SNX19: variants seen among roughly 807,000 people sequenced by gnomAD.
SNX19 encodes sorting nexin-19.
A neutral mutation model predicts 85.2 loss-of-function variants in SNX19; 60 were observed. The ratio of observed to expected loss-of-function variants is 0.70; its 90% CI spans 0.57 to 0.87. SNX19 has a LOEUF of 0.87. Ranked by LOEUF, SNX19 falls within the 40% of genes least tolerant of loss-of-function variation. The pLI is 0.00. For missense variants in SNX19, 1,201 were observed against 1,217.8 expected (o/e 0.99, Z 0.21); for synonymous variants, 520 against 470.0 (o/e 1.11, Z -1.38).
rs1325312648 is a variant in SNX19, at chr11:130,867,767, C to A, written c.*10655G>T. ...CTAAGAGACAGCTTCTGCTCCCTATCTGATATTACCAAGCTGGACAGCATC... is the reference window on the plus strand; with the variant it reads ...CTAAGAGACAGCTTCTGCTCCCTATATGATATTACCAAGCTGGACAGCATC... On this transcript the variant is annotated 3_prime_UTR_variant, in exon 11 of 11. Transcript: ENST00000265909. 2 of 152,168 alleles carry A rather than the reference C, an allele frequency of 1.3e-5. No homozygotes were observed. Among genetic ancestry groups the A allele is most frequent in the Admixed American group, 6.5e-5 (1 of 15,276 alleles). 9.4% of individuals were successfully genotyped at this position (152,168 alleles called of 1,614,324 possible). A position where few individuals can be genotyped will look rare whatever the true frequency, so the allele number is the denominator to read the frequency against.
chr11:130,912,192 G>C (rs77272503), intron 1 of SNX19, among the ~76,000 whole-genome samples: 24,163 of 152,206 alleles, frequency 0.16, 2,191 homozygotes, highest in Middle Eastern at 0.25. Context: ...AAGGGAAGAA[G>C]AAGTAATCCA....
chr11:130,880,895 A>AT, intron 8 of SNX19, 89 bp from the exon 9 acceptor site: 1 of 1,146,236 alleles, frequency 8.7e-7, no homozygotes, highest in Non-Finnish European at 1.2e-6. Context: ...TCCCCTGCAG[A>AT]TTCGTGTGTC....
chr11:130,910,879 TA>T (rs1374523474), intron 2 of SNX19, among the ~76,000 whole-genome samples: 1 of 152,132 alleles, frequency 6.6e-6, no homozygotes, highest in Non-Finnish European at 1.5e-5. Context: ...TACTAATCCT[TA>T]AGAGTGAAAT....
Position 130,906,064 on chromosome 11 carries a change from G to C in SNX19, c.2332C>G (p.Gln778Glu), listed in dbSNP as rs746251895. ...IEKQTKLLEM[Q>E]PTKAPEKDPE... Reference sequence around the variant, plus strand: ...TCTTTTTCTGGGGCTTTTGTTGGCTGCATTTCCAGTAACTTTGTCTGTTTT... The same window carrying C: ...TCTTTTTCTGGGGCTTTTGTTGGCTCCATTTCCAGTAACTTTGTCTGTTTT... Residue 778 changes from glutamine to glutamate, a missense_variant, in exon 7 of 11, where the codon CAG becomes GAG. Transcript: ENST00000265909. The C allele has an allele frequency of 1.2e-6, 2 of 1,614,164 alleles. No individual in the cohort carries two copies. Among genetic ancestry groups the C allele is most frequent in the South Asian group, 1.1e-5 (1 of 91,082 alleles).
rs572756509 is a variant in SNX19, at chr11:130,877,468, G to A, written c.*954C>T. ...ATAAAAGTTCTCTGTCAAAGACTTA[G>A]GAAGGGAGATTTCATCCCCCAGCCT... On this transcript the variant is annotated 3_prime_UTR_variant, in exon 11 of 11. Coordinates refer to ENST00000265909, the MANE Select transcript of SNX19 (RefSeq NM_014758.3). 6.6e-6 allele frequency: 1 copy of A among 152,328 alleles called. No homozygotes were observed. The highest frequency in any genetic ancestry group is 1.9e-4 in the East Asian group (1 of 5,184). 9.4% of individuals were successfully genotyped at this position (152,328 alleles called of 1,614,324 possible).
intron 1 of SNX19, among the ~76,000 whole-genome samples, chr11:130,913,109 C>T (rs769707550): frequency 1.3e-4 from 20 of 152,054 alleles, no homozygotes; most frequent in Non-Finnish European, 7.4e-5. Flanking sequence ...GGAACTTAAA[C>T]ATTCTATCCA....
intron 8 of SNX19, among the ~76,000 whole-genome samples, chr11:130,887,194 TTG>T (rs1944147550): frequency 6.6e-6 from 1 of 152,222 alleles, no homozygotes. Flanking sequence ...CAAACAGTTT[TTG>T]TTTTTGATTA....
rs186814523 is a variant in SNX19 at position 130,876,497 on chromosome 11, A to C, written c.*1925T>G. 1 of 152,660 alleles carries C rather than the reference A, an allele frequency of 6.6e-6. No homozygotes were observed. The highest frequency in any genetic ancestry group is 1.5e-5 in the Non-Finnish European group (1 of 68,048). 9.5% of individuals were successfully genotyped at this position (152,660 alleles called of 1,614,324 possible). On this transcript the variant is annotated 3_prime_UTR_variant, in exon 11 of 11. Coordinates refer to ENST00000265909, the MANE Select transcript of SNX19 (RefSeq NM_014758.3). ...AAAAGATTCCTTAGAATTTATAGCC[A>C]CAGGGATTTCATGGTGTGTCTGATG...
Position 130,896,023 on chromosome 11 carries a change from C to T in SNX19, c.2573+7232G>A, listed in dbSNP as rs137870957. 1.9e-3 allele frequency among the ~76,000 whole-genome samples: 292 copies of T among 152,330 alleles called. 1 individual carries two copies. Among genetic ancestry groups the T allele is most frequent in the Non-Finnish European group, 3.2e-3 (216 of 68,032 alleles). Reference sequence around the variant, plus strand: ...TACTCCTTCCCAGGGAGCCACAGTACAATCTGAGCAAAGCCATCAATGAGA... The same window carrying T: ...TACTCCTTCCCAGGGAGCCACAGTATAATCTGAGCAAAGCCATCAATGAGA... On this transcript the variant is annotated intron_variant, in intron 8 of 10. Transcript: ENST00000265909.
rs973878924 is a variant in SNX19 at position 130,877,699 on chromosome 11, GA to G, written c.*722del. On this transcript the variant is annotated 3_prime_UTR_variant, in exon 11 of 11. Coordinates refer to ENST00000265909, the MANE Select transcript of SNX19 (RefSeq NM_014758.3). ...AATGGGTGGTATAAATGCCTTTCAG[GA>G]AAGGGTGTGAAGGGTGGGGTGGATT... The G allele has an allele frequency of 6.5e-6, 1 of 152,672 alleles. No individual in the cohort carries two copies. Among genetic ancestry groups the G allele is most frequent in the Non-Finnish European group, 1.5e-5 (1 of 68,056 alleles). 9.5% of individuals were successfully genotyped at this position (152,672 alleles called of 1,614,324 possible).
Position 130,915,709 on chromosome 11 carries a change from C to T in SNX19, c.231G>A (p.Leu77=), listed in dbSNP as rs201067229. The stretch of plus-strand genomic sequence containing the variant: ...CCAACGGGATGAAGCGTTCCAGATG[C>T]AGTCGACCTGAAGCCACTCCAGCGA... ...SSLAGVASGR[L]HLERFIPLAT... Residue 77 remains leucine, a synonymous_variant, in exon 1 of 11, where the codon CTG becomes CTA. Coordinates refer to ENST00000265909, the MANE Select transcript of SNX19 (RefSeq NM_014758.3). The T allele has an allele frequency of 3.7e-6, 6 of 1,614,248 alleles. No homozygotes were observed. In the African/African-American group the frequency reaches 6.7e-5, roughly 18 times the overall value.
In SNX19 at chr11:130,905,651, C is replaced by G. The variant is rs1485195329; in HGVS notation, c.2443+302G>C. The G allele has an allele frequency of 4.0e-6, 6 of 1,486,780 alleles. No individual in the cohort carries two copies. The South Asian group carries it at 7.9e-5, about 19-fold the overall frequency. The allele number at this position is 1,486,780 out of a possible 1,614,324, so 92.1% of individuals were successfully genotyped here. ...GAAAGTTTCTAAGAAATGCAAGAGT[C>G]TGATATGCCAAAGCATGCCAAAAAT... On this transcript the variant is annotated intron_variant, in intron 7 of 10. Transcript: ENST00000265909.
chr11:130,915,051 C>T lies in SNX19; in HGVS notation c.889G>A (p.Val297Ile). 6.2e-7 allele frequency: 1 copy of T among 1,614,144 alleles called. No homozygotes were observed. Residue 297 changes from valine to isoleucine, a missense_variant, in exon 1 of 11, where the codon GTA becomes ATA. Val to Ile is a conservative substitution (Grantham distance 29). Transcript: ENST00000265909. The stretch of plus-strand genomic sequence containing the variant: ...GCTCTCCCTTCTGGAAGCTGCTCTA[C>T]CTCAGCAATCAGTGGCAGAGATGTC... ...VPTSLPLIAEVEQLPEGRASP... is the reference protein window; with the variant it reads ...VPTSLPLIAEIEQLPEGRASP...
chr11:130,886,198 A>G (rs1944054412), intron 8 of SNX19, among the ~76,000 whole-genome samples: 1 of 152,170 alleles, frequency 6.6e-6, no homozygotes, highest in Admixed American at 6.5e-5. Context: ...TGGGCTGGAC[A>G]TCATTAGAGG....
At chr11:130,888,962 A>G (rs1243722548) in intron 8 of SNX19, among the ~76,000 whole-genome samples, 1 of 152,216 alleles carries the variant, frequency 6.6e-6, no homozygotes, top group Non-Finnish European at 1.5e-5. Context: ...AAAACAGCCT[A>G]GCAAATAATA....
chr11:130,897,411 T>C (rs3794135), intron 8 of SNX19, among the ~76,000 whole-genome samples: 96,500 of 151,778 alleles, frequency 0.64, 30,941 homozygotes, highest in South Asian at 0.8. Flanking sequence ...CACACTCCCT[T>C]TTTAACTGAG....
At chr11:130,903,405 A>G in intron 7 of SNX19, 21 bp from the exon 8 acceptor site, 5 of 1,611,368 alleles carry the variant, frequency 3.1e-6, no homozygotes, top group Non-Finnish European at 4.2e-6. Flanking sequence ...AAATGGCATC[A>G]GGAGTAACTC....
chr11:130,898,719 C>T lies in SNX19; in HGVS notation c.2573+4536G>A, dbSNP rs1592329761. 3.3e-5 allele frequency among the ~76,000 whole-genome samples: 5 copies of T among 152,290 alleles called. No homozygotes were observed. The South Asian group carries it at 1.0e-3, about 32-fold the overall frequency. On this transcript the variant is annotated intron_variant, in intron 8 of 10. Transcript: ENST00000265909. Reference sequence around the variant, plus strand: ...AAGCTGAAGCATGCAGCAATGCATACACCACTTTTTAAAATTAAAACCTGC... The same window carrying T: ...AAGCTGAAGCATGCAGCAATGCATATACCACTTTTTAAAATTAAAACCTGC...
In SNX19 at chr11:130,872,298, T is replaced by C. The variant is rs942759788; in HGVS notation, c.*6124A>G. ...AGGCTCCGCAAGTCTGAAAATAGCA[T>C]AGTGTGTCTGCCAAGGTCTGCGGGT... On this transcript the variant is annotated 3_prime_UTR_variant, in exon 11 of 11. Transcript: ENST00000265909. Among the ~76,000 whole-genome samples the C allele has an allele frequency of 6.6e-6, 1 of 152,164 alleles. No homozygotes were observed. The highest frequency in any genetic ancestry group is 1.5e-5 in the Non-Finnish European group (1 of 68,036).
Sources: gnomAD v4.1 joint callset for allele counts (sites outside exome capture counted in the v4.1 genomes callset) on GRCh38, gnomAD v4.1.1 for gene constraint, MANE v1.5 for transcripts, NCBI Gene and HGNC (gene_info 2026-07-23, HGNC 2026-07-21) for gene names.